Variants in ESRRB observed in about 807,000 individuals in gnomAD.
ESRRB encodes steroid hormone receptor ERR2.
A neutral mutation model predicts 46.0 loss-of-function variants in ESRRB; 16 were observed. The ratio of observed to expected loss-of-function variants is 0.35; its 90% CI spans 0.24 to 0.53. The LOEUF (loss-of-function observed/expected upper bound fraction) is 0.53. Among genes scored for constraint, ESRRB ranks in the 20% least tolerant of loss-of-function variants. The pLI is 0.93. For synonymous variants in ESRRB, 246 were observed against 259.6 expected (o/e 0.95, Z 0.50); for missense variants, 488 against 607.4 (o/e 0.80, Z 2.07).
intron 2 of ESRRB, among the ~76,000 whole-genome samples, chr14:76,446,407 G>T (rs1034781017): frequency 6.6e-6 from 1 of 151,662 alleles, no homozygotes; most frequent in South Asian, 2.1e-4. Flanking sequence ...TTGTCGCTGG[G>T]GGCTGTGATG....
chr14:76,317,774 G>A (rs72729684), intron 1 of ESRRB, among the ~76,000 whole-genome samples: 10,038 of 152,098 alleles, frequency 0.066, 484 homozygotes, highest in Admixed American at 0.09. Flanking sequence ...CAGGACCACA[G>A]TTTCCTTAAT....
chr14:76,416,961 G>A (rs574749236), intron 1 of ESRRB, among the ~76,000 whole-genome samples: 1 of 152,218 alleles, frequency 6.6e-6, no homozygotes, highest in South Asian at 2.1e-4. Context: ...AGAAAGTAAA[G>A]CAGGATAAGA....
intron 1 of ESRRB, among the ~76,000 whole-genome samples, chr14:76,400,757 G>A (rs1011932505): frequency 6.6e-6 from 1 of 152,162 alleles, no homozygotes; most frequent in South Asian, 2.1e-4. Flanking sequence ...GAAGACACAC[G>A]AACAACTGTT....
intron 3 of ESRRB, among the ~76,000 whole-genome samples, chr14:76,464,626 G>C (rs1034616785): frequency 1.3e-5 from 2 of 152,132 alleles, no homozygotes; most frequent in African/African-American, 4.8e-5. Context: ...TTCGTTAGGG[G>C]CTCAACCGAA....
chr14:76,453,663 T>C (rs191191935), intron 2 of ESRRB, among the ~76,000 whole-genome samples: 7 of 147,208 alleles, frequency 4.8e-5, no homozygotes, highest in Admixed American at 4.1e-4. Flanking sequence ...AGTGGCACAA[T>C]CTCTGCTCAC....
chr14:76,358,084 G>A (rs1169640892), intron 1 of ESRRB, among the ~76,000 whole-genome samples: 1 of 151,914 alleles, frequency 6.6e-6, no homozygotes, highest in Non-Finnish European at 1.5e-5. Context: ...GGCTGAGGCG[G>A]GCAGATCACA....
At chr14:76,312,940 T>G (rs1566848747) in intron 1 of ESRRB, among the ~76,000 whole-genome samples, 1 of 152,192 alleles carries the variant, frequency 6.6e-6, no homozygotes, top group Non-Finnish European at 1.5e-5. Context: ...CACTGGAGCC[T>G]GCCTGGCCCA....
At chr14:76,360,957 T>C (rs1884455465) in intron 1 of ESRRB, among the ~76,000 whole-genome samples, 1 of 152,168 alleles carries the variant, frequency 6.6e-6, no homozygotes, top group Non-Finnish European at 1.5e-5. Flanking sequence ...ACAAGATCCA[T>C]GAGACAATAT....
At chr14:76,377,467 G>A (rs1040274791) in intron 1 of ESRRB, among the ~76,000 whole-genome samples, 3 of 152,196 alleles carry the variant, frequency 2.0e-5, no homozygotes, top group Non-Finnish European at 4.4e-5. Context: ...CGGGTGTCCC[G>A]GAGGCAGGTT....
chr14:76,418,875 A>C (rs1479924615), intron 1 of ESRRB, among the ~76,000 whole-genome samples: 1 of 150,918 alleles, frequency 6.6e-6, no homozygotes, highest in Admixed American at 6.6e-5. Flanking sequence ...CTTGGCCTCC[A>C]AACTAACTGC....
At chr14:76,457,157 G>A (rs1431479373) in intron 2 of ESRRB, among the ~76,000 whole-genome samples, 1 of 152,170 alleles carries the variant, frequency 6.6e-6, no homozygotes, top group Non-Finnish European at 1.5e-5. Context: ...GCTGATGGTG[G>A]TGGTTACCCC....
At position 76,491,543 on chromosome 14, in the gene ESRRB, A is replaced by G. The variant is rs780275423; in HGVS notation, c.947A>G (p.Tyr316Cys). 3.8e-6 allele frequency: 6 copies of G among 1,597,476 alleles called. No individual in the cohort carries two copies. The highest frequency in any genetic ancestry group is 3.4e-6 in the Non-Finnish European group (4 of 1,172,446). ...GGCATCGTGTACCGCTCGCTGCCCT[A>G]TGACGACAAGCTGGTGTACGCTGAG... ...ILGIVYRSLP[Y>C]DDKLVYAEDY... The change falls in exon 6 of 7, where the codon TAT becomes TGT. Residue 316 changes from tyrosine to cysteine, a missense_variant. By Grantham distance (194) the Tyr-to-Cys change is radical. Transcript: ENST00000644823.
intron 2 of ESRRB, among the ~76,000 whole-genome samples, chr14:76,444,080 G>C (rs1888031056): frequency 1.4e-5 from 2 of 145,766 alleles, no homozygotes; most frequent in Non-Finnish European, 3.0e-5. Context: ...TTTTTTTTTT[G>C]AGACAGAGTC....
At chr14:76,324,503 C>T (rs1003327950) in intron 1 of ESRRB, among the ~76,000 whole-genome samples, 2 of 152,140 alleles carry the variant, frequency 1.3e-5, no homozygotes, top group African/African-American at 4.8e-5. Flanking sequence ...GTCCTCATCC[C>T]CTCCCTCTCT....
chr14:76,421,579 T>C (rs560662692), intron 1 of ESRRB, among the ~76,000 whole-genome samples: 1 of 152,094 alleles, frequency 6.6e-6, no homozygotes, highest in African/African-American at 2.4e-5. Context: ...CCAAGTGGAG[T>C]AGGGCAGTTT....
intron 3 of ESRRB, among the ~76,000 whole-genome samples, chr14:76,463,607 C>G (rs1209378855): frequency 6.6e-6 from 1 of 151,674 alleles, no homozygotes; most frequent in African/African-American, 2.4e-5. Context: ...CCACCTCGCC[C>G]GGCTAATTTT....
intron 1 of ESRRB, among the ~76,000 whole-genome samples, chr14:76,428,418 T>C (rs1458135680): frequency 6.6e-6 from 1 of 152,134 alleles, no homozygotes; most frequent in Admixed American, 6.5e-5. Flanking sequence ...AAAAGAAGGA[T>C]ACTAGAGGTG....
chr14:76,485,882 G>T (rs1889999081), intron 5 of ESRRB, among the ~76,000 whole-genome samples: 1 of 152,172 alleles, frequency 6.6e-6, no homozygotes, highest in South Asian at 2.1e-4. Flanking sequence ...ACTTAGCTTT[G>T]CATGCACATA....
At chr14:76,375,898 C>A (rs564693012), upstream of ESRRB, among the ~76,000 whole-genome samples, 6 of 145,222 alleles carry the variant, frequency 4.1e-5, no homozygotes, top group Non-Finnish European at 9.1e-5. Flanking sequence ...TCCCCCCCAC[C>A]CCCCTTTAAC....
Sources: gnomAD v4.1 joint callset for allele counts (sites outside exome capture counted in the v4.1 genomes callset) on GRCh38, gnomAD v4.1.1 for gene constraint, MANE v1.5 for transcripts, NCBI Gene and HGNC (gene_info 2026-07-23, HGNC 2026-07-21) for gene names.